The following PKD1L1 variants were observed in gnomAD, a reference collection of about 807,000 sequenced individuals.
PKD1L1 encodes the protein polycystin 1 like 1, transient receptor potential channel interacting.
A neutral mutation model predicts 323.4 loss-of-function variants in PKD1L1; 236 were observed. That is an observed-to-expected ratio of 0.73 (90% CI 0.66 to 0.81). The LOEUF (loss-of-function observed/expected upper bound fraction) is 0.81, where lower values mean the gene tolerates loss of function less well. Ranked by LOEUF, PKD1L1 falls within the 40% of genes least tolerant of loss-of-function variation. The pLI, the probability that PKD1L1 is intolerant of heterozygous loss-of-function variation, is 0.00. For synonymous variants in PKD1L1, 1,344 were observed against 1,335.0 expected (o/e 1.01, Z -0.15); for missense variants, 3,320 against 3,508.0 (o/e 0.95, Z 1.35).
intron 52 of PKD1L1, among the ~76,000 whole-genome samples, chr7:47,807,637 T>TG (rs994233257): frequency 3.3e-5 from 5 of 152,116 alleles, no homozygotes; most frequent in Non-Finnish European, 5.9e-5. Flanking sequence ...CATGCTGTTG[T>TG]GGGGGGATCC....
chr7:47,788,945 CAT>C (rs1786877601), intron 56 of PKD1L1, among the ~76,000 whole-genome samples: 1 of 152,044 alleles, frequency 6.6e-6, no homozygotes, highest in Non-Finnish European at 1.5e-5. Context: ...ATTTAATACT[CAT>C]ATGATCATGG....
At chr7:47,842,293 C>G (rs767945754) in intron 34 of PKD1L1, among the ~76,000 whole-genome samples, 6 of 152,178 alleles carry the variant, frequency 3.9e-5, no homozygotes, top group Non-Finnish European at 8.8e-5. Flanking sequence ...TCCTACTGCA[C>G]TGTGGCACCC....
At chr7:47,834,311 T>A (rs761376743) in intron 40 of PKD1L1, 28 bp downstream of exon 40, 1 of 1,607,570 alleles carries the variant, frequency 6.2e-7, no homozygotes, top group African/African-American at 1.3e-5. Flanking sequence ...GCTAGAAGAT[T>A]AGCTGCTGCG....
In PKD1L1 at chr7:47,803,191, T is replaced by C; in HGVS notation, c.7962+19A>G. The C allele has an allele frequency of 6.2e-7, 1 of 1,613,860 alleles. No homozygotes were observed. The highest frequency in any genetic ancestry group is 1.1e-5 in the South Asian group (1 of 91,060). ...ATGGTTTACAAGGGAAATCACCTGA[T>C]AAAGGGGAGAGTTCTTACCCCTGCT... On this transcript the variant is annotated intron_variant, in intron 53 of 56. Coordinates refer to ENST00000289672, the MANE Select transcript of PKD1L1 (RefSeq NM_138295.5).
chr7:47,943,489 GGCAGCAGGCA>G lies in PKD1L1; in HGVS notation c.57_66del (p.Ala20PhefsTer9), dbSNP rs749451455. 2.5e-6 allele frequency: 4 copies of G among 1,612,984 alleles called. No individual in the cohort carries two copies. The highest frequency in any genetic ancestry group is 3.4e-6 in the Non-Finnish European group (4 of 1,179,346). On this transcript the variant is annotated frameshift_variant, in exon 2 of 57. Transcript: ENST00000289672. LOFTEE classifies it high-confidence loss of function. ...ACAGACAGCTCACCACCAAAGGAAAGGCAGCAGGCAGCCTGGAGACACCTAAGGGAAAGAA... is the reference window on the plus strand; with the variant it reads ...ACAGACAGCTCACCACCAAAGGAAAGGCCTGGAGACACCTAAGGGAAAGAA...
intron 26 of PKD1L1, among the ~76,000 whole-genome samples, chr7:47,864,588 C>A (rs1160982152): frequency 1.1e-5 from 1 of 90,908 alleles, no homozygotes; most frequent in Non-Finnish European, 2.1e-5. Context: ...TTCTTTCTTT[C>A]TTTCTTTCTT....
chr7:47,800,877 C>G lies in PKD1L1; in HGVS notation c.7965G>C (p.Leu2655=). 6.2e-7 allele frequency: 1 copy of G among 1,613,544 alleles called. No individual in the cohort carries two copies. Among genetic ancestry groups the G allele is most frequent in the Non-Finnish European group, 8.5e-7 (1 of 1,179,576 alleles). ...HSLPSIFVAG[L]VGALMLAALS... is the part of the protein sequence containing the mutation. Reference sequence around the variant, plus strand: ...GGGCGGCCAGCATCAGTGCCCCCACCAGCTGCAGAAAGAAAATCCAGAGAG... The same window carrying G: ...GGGCGGCCAGCATCAGTGCCCCCACGAGCTGCAGAAAGAAAATCCAGAGAG... Residue 2655 remains leucine (L), a splice_region_variant and synonymous_variant, in exon 54 of 57, where the codon CTG becomes CTC. Transcript: ENST00000289672.
rs1009599890 is a variant in PKD1L1 at position 47,929,352 on chromosome 7, T to C, written c.912A>G (p.Ala304=). The change falls in exon 7 of 57, where the codon GCA becomes GCG. Residue 304 remains alanine, a synonymous_variant. Transcript: ENST00000289672. The stretch of plus-strand genomic sequence containing the variant: ...GAACACGGAATCCCAGATTTGGAGG[T>C]GCCCGAGCTTCCACTTCCAGGGAGC... ...LNCSLEVEAR[A]PPNLGFRVHM... is the part of the protein sequence containing the mutation. 1 of 1,613,996 alleles carries C rather than the reference T, an allele frequency of 6.2e-7. No homozygotes were observed.
intron 15 of PKD1L1, 48 bp downstream of exon 15, chr7:47,893,830 A>C (rs1170513693): frequency 6.4e-7 from 1 of 1,567,460 alleles, no homozygotes; most frequent in Non-Finnish European, 8.7e-7. Context: ...CATTTGCAGA[A>C]TGCGCGGTCT....
intron 19 of PKD1L1, among the ~76,000 whole-genome samples, chr7:47,882,659 A>G (rs1786588846): frequency 3.9e-5 from 5 of 127,728 alleles, no homozygotes; most frequent in South Asian, 5.6e-4. Context: ...TGCTGTGGGA[A>G]TGATCTGCCC....
intron 54 of PKD1L1, among the ~76,000 whole-genome samples, chr7:47,798,690 G>A (rs1475506015): frequency 6.6e-6 from 1 of 150,472 alleles, no homozygotes; most frequent in African/African-American, 2.4e-5. Context: ...GGGAGACAGA[G>A]GTTGCAGTGA....
chr7:47,915,093 T>C (rs534474275), intron 8 of PKD1L1, among the ~76,000 whole-genome samples: 1 of 152,254 alleles, frequency 6.6e-6, no homozygotes, highest in South Asian at 2.1e-4. Context: ...AAATTTTAAA[T>C]GTAAATAATA....
rs183894050 is a variant in PKD1L1, at chr7:47,940,436, G to A, written c.161-119C>T. On this transcript the variant is annotated intron_variant, in intron 2 of 56. Transcript: ENST00000289672. ...GTCAAAGCCACCTGGGCCTAACAAC[G>A]GGCTGATCATGAAGATGCGTGTCCT... is the stretch of plus-strand genomic sequence containing the variant. 2.2e-3 allele frequency: 2,212 copies of A among 984,742 alleles called. 4 individuals are homozygous for A. The highest frequency in any genetic ancestry group is 2.8e-3 in the Non-Finnish European group (1,892 of 677,662). The allele number at this position is 984,742 out of a possible 1,614,324, so 61.0% of individuals were successfully genotyped here.
chr7:47,892,549 A>C (rs1786844008), intron 15 of PKD1L1, among the ~76,000 whole-genome samples: 1 of 152,120 alleles, frequency 6.6e-6, no homozygotes, highest in South Asian at 2.1e-4. Flanking sequence ...TCTGTCTCCA[A>C]AAGGAGGGAG....
chr7:47,851,063 C>CATTGT (rs1341904906), intron 31 of PKD1L1, among the ~76,000 whole-genome samples: 3 of 152,230 alleles, frequency 2.0e-5, no homozygotes, highest in Non-Finnish European at 4.4e-5. Context: ...TGAATTAAGG[C>CATTGT]ATTGTGATTA....
intron 14 of PKD1L1, among the ~76,000 whole-genome samples, chr7:47,896,548 G>T (rs1349926454): frequency 6.6e-6 from 1 of 151,682 alleles, no homozygotes; most frequent in Non-Finnish European, 1.5e-5. Context: ...TGTTTGGGGG[G>T]GACTTAGGAT....
At chr7:47,866,393 T>G (rs1387089576) in intron 25 of PKD1L1, 26 bp downstream of exon 25, 1 of 1,604,928 alleles carries the variant, frequency 6.2e-7, no homozygotes, top group Non-Finnish European at 8.5e-7. Flanking sequence ...TTACAGACAC[T>G]AAACTCACCC....
At chr7:47,811,215 G>A (rs1236066418) in intron 50 of PKD1L1, among the ~76,000 whole-genome samples, 10 of 149,388 alleles carry the variant, frequency 6.7e-5, no homozygotes, top group South Asian at 2.1e-4. Context: ...GTGCAGTGGC[G>A]CAATCTCAGC....
At chr7:47,810,841 T>C (rs944620849) in intron 50 of PKD1L1, among the ~76,000 whole-genome samples, 6 of 152,184 alleles carry the variant, frequency 3.9e-5, no homozygotes, top group Non-Finnish European at 5.9e-5. Flanking sequence ...GACTGAAGAT[T>C]TGTGTTCCCT....
Sources: allele counts gnomAD v4.1 joint callset (sites outside exome capture counted in the v4.1 genomes callset), GRCh38; gene constraint gnomAD v4.1.1; transcripts MANE v1.5; gene names NCBI Gene and HGNC (gene_info 2026-07-23, HGNC 2026-07-21).